The following CHCHD3 variants were observed in gnomAD, a reference collection of about 807,000 sequenced individuals.
The protein encoded by CHCHD3 is MICOS complex subunit MIC19.
CHCHD3 carries 20 observed loss-of-function variants against 38.2 expected under a neutral mutation model. That is an observed-to-expected ratio of 0.52 (90% confidence interval 0.37 to 0.76). CHCHD3 has a LOEUF of 0.76. Ranked by LOEUF, CHCHD3 falls within the 30% of genes least tolerant of loss-of-function variation. CHCHD3 has a pLI of 0.00. For synonymous variants in CHCHD3, 82 were observed against 100.0 expected (o/e 0.82, Z 1.07); for missense variants, 245 against 279.2 (o/e 0.88, Z 0.87).
chr7:133,081,452 T>C (rs1266635965), intron 1 of CHCHD3, among the ~76,000 whole-genome samples: 1 of 152,130 alleles, frequency 6.6e-6, no homozygotes, highest in African/African-American at 2.4e-5. Context: ...AAAATGCCAA[T>C]TCACCCTGGG....
chr7:132,857,352 G>T (rs999329296), intron 5 of CHCHD3, among the ~76,000 whole-genome samples: 4 of 152,128 alleles, frequency 2.6e-5, no homozygotes, highest in African/African-American at 9.7e-5. Context: ...TTCTCATTGT[G>T]CCTGAAACAC....
chr7:133,054,900 A>G (rs1157267124), intron 2 of CHCHD3, among the ~76,000 whole-genome samples: 1 of 152,208 alleles, frequency 6.6e-6, no homozygotes, highest in Non-Finnish European at 1.5e-5. Flanking sequence ...TTTCTTGAGC[A>G]CCTTCTACAG....
chr7:132,821,317 A>T (rs761307254), intron 6 of CHCHD3, among the ~76,000 whole-genome samples: 2 of 152,214 alleles, frequency 1.3e-5, no homozygotes, highest in Non-Finnish European at 2.9e-5. Context: ...TTTCACAGAT[A>T]TAAAATCTAA....
intron 5 of CHCHD3, among the ~76,000 whole-genome samples, chr7:132,881,258 T>C (rs1396615733): frequency 6.6e-6 from 1 of 152,126 alleles, no homozygotes; most frequent in African/African-American, 2.4e-5. Context: ...CCAATATAAA[T>C]ACCTGGGTAG....
intron 6 of CHCHD3, among the ~76,000 whole-genome samples, chr7:132,808,354 G>A (rs1158923509): frequency 3.3e-5 from 5 of 152,194 alleles, no homozygotes; most frequent in Admixed American, 6.5e-5. Flanking sequence ...AATTCCCAAA[G>A]CTCAGATCTA....
Position 132,980,566 on chromosome 7 carries a change from G to T in CHCHD3, c.252-5280C>A, listed in dbSNP as rs191333620. On this transcript the variant is annotated intron_variant, in intron 3 of 7. Transcript: ENST00000262570. ...CTTTTCTTGTTTGCATTAAGTAATTGGATAGCTTGCCTAAGCTTAATGAAA... is the reference window on the plus strand; with the variant it reads ...CTTTTCTTGTTTGCATTAAGTAATTTGATAGCTTGCCTAAGCTTAATGAAA... Among the ~76,000 whole-genome samples the T allele has an allele frequency of 4.6e-5, 7 of 152,204 alleles. No homozygotes were observed. The East Asian group carries it at 1.4e-3, about 29-fold the overall frequency.
At chr7:132,989,906 T>C (rs944206967) in intron 3 of CHCHD3, among the ~76,000 whole-genome samples, 11 of 152,172 alleles carry the variant, frequency 7.2e-5, no homozygotes, top group Admixed American at 5.9e-4. Context: ...TAATATTCAA[T>C]ATACGGGTGA....
chr7:132,889,308 G>A (rs1809302969), intron 4 of CHCHD3, among the ~76,000 whole-genome samples: 1 of 151,756 alleles, frequency 6.6e-6, no homozygotes, highest in South Asian at 2.1e-4. Context: ...TGTTCCCTTT[G>A]TTCACAAAGT....
At chr7:132,879,659 A>G (rs942226035) in intron 5 of CHCHD3, among the ~76,000 whole-genome samples, 3 of 147,916 alleles carry the variant, frequency 2.0e-5, no homozygotes, top group Non-Finnish European at 4.5e-5. Context: ...ATTTTCCTGA[A>G]GAACACACAA....
In CHCHD3 at chr7:132,838,384, C is replaced by T. The variant is rs777051860; in HGVS notation, c.524+15G>A. 2 of 1,545,180 alleles carry T rather than the reference C, an allele frequency of 1.3e-6. No homozygotes were observed. Among genetic ancestry groups the T allele is most frequent in the South Asian group, 1.1e-5 (1 of 89,010 alleles). Reference sequence around the variant, plus strand: ...TTAAGAATAGTAAATAATTATAATACTATTAAAAACTTACTTGAACTTTGC... The same window carrying T: ...TTAAGAATAGTAAATAATTATAATATTATTAAAAACTTACTTGAACTTTGC... On this transcript the variant is annotated intron_variant, in intron 6 of 7. Transcript: ENST00000262570.
At chr7:132,804,685 G>C (rs774237751) in intron 6 of CHCHD3, among the ~76,000 whole-genome samples, 14 of 152,200 alleles carry the variant, frequency 9.2e-5, no homozygotes, top group African/African-American at 1.7e-4. Flanking sequence ...TGTGGTGAGA[G>C]AGCGTGTTAC....
At chr7:132,935,700 ATCACT>A (rs949046058) in intron 4 of CHCHD3, among the ~76,000 whole-genome samples, 1 of 152,210 alleles carries the variant, frequency 6.6e-6, no homozygotes, top group African/African-American at 2.4e-5. Context: ...CTCTAGACAA[ATCACT>A]TCACTTTTCT....
At chr7:132,843,500 T>C (rs555001965) in intron 5 of CHCHD3, among the ~76,000 whole-genome samples, 2 of 152,322 alleles carry the variant, frequency 1.3e-5, no homozygotes, top group East Asian at 1.9e-4. Flanking sequence ...TAATTAAATA[T>C]AGCTATAATC....
chr7:132,903,537 C>CGGA (rs1809721143), intron 4 of CHCHD3, among the ~76,000 whole-genome samples: 1 of 152,284 alleles, frequency 6.6e-6, no homozygotes, highest in South Asian at 2.1e-4. Context: ...GAATTTCTGA[C>CGGA]TCTTCCCAGG....
At chr7:132,858,171 G>A (rs1459985304) in intron 5 of CHCHD3, among the ~76,000 whole-genome samples, 1 of 151,856 alleles carries the variant, frequency 6.6e-6, no homozygotes, top group East Asian at 1.9e-4. Flanking sequence ...CAAGCAATTC[G>A]CCTGCCTCAG....
chr7:132,901,619 A>G lies in CHCHD3; in HGVS notation c.370-15874T>C, dbSNP rs148890277. Among the ~76,000 whole-genome samples the G allele has an allele frequency of 3.9e-3, 588 of 152,306 alleles. 2 individuals carry two copies. Among genetic ancestry groups the G allele is most frequent in the African/African-American group, 0.013 (554 of 41,558 alleles). ...TTGGCTACATAAATGTCTTCTTTTG[A>G]GAAGTGTCTGTTCATATCCTTCGCC... On this transcript the variant is annotated intron_variant, in intron 4 of 7. Coordinates refer to ENST00000262570, the MANE Select transcript of CHCHD3 (RefSeq NM_017812.4).
intron 4 of CHCHD3, among the ~76,000 whole-genome samples, chr7:132,923,752 T>C (rs1318784797): frequency 6.6e-6 from 1 of 152,206 alleles, no homozygotes; most frequent in African/African-American, 2.4e-5. Context: ...ACCAATCTGA[T>C]TTCCCAGCAG....
chr7:132,858,808 A>G (rs913773234), intron 5 of CHCHD3, among the ~76,000 whole-genome samples: 6 of 152,208 alleles, frequency 3.9e-5, no homozygotes, highest in Non-Finnish European at 8.8e-5. Context: ...GTTAATACAG[A>G]CATTTTTTCT....
At chr7:132,790,025 C>T (rs1274760672) in intron 7 of CHCHD3, among the ~76,000 whole-genome samples, 1 of 152,176 alleles carries the variant, frequency 6.6e-6, no homozygotes, top group African/African-American at 2.4e-5. Flanking sequence ...AAGCACAAAG[C>T]GAGTTTTGCC....
Sources: allele counts gnomAD v4.1 joint callset (sites outside exome capture counted in the v4.1 genomes callset), GRCh38; gene constraint gnomAD v4.1.1; transcripts MANE v1.5; gene names NCBI Gene and HGNC (gene_info 2026-07-23, HGNC 2026-07-21).